Variants in AUTS2 observed in about 807,000 individuals in gnomAD.
AUTS2 encodes the protein autism susceptibility gene 2 protein.
AUTS2 carries 17 observed loss-of-function variants against 112.4 expected under a neutral mutation model. That is an observed-to-expected ratio of 0.15 (90% CI 0.10 to 0.23). The LOEUF is 0.23. Among genes scored for constraint, AUTS2 ranks in the 10% least tolerant of loss-of-function variants. AUTS2 has a pLI of 1.00. For synonymous variants in AUTS2, 751 were observed against 702.7 expected (o/e 1.07, Z -1.09); for missense variants, 1,510 against 1,701.6 (o/e 0.89, Z 1.98).
At chr7:70,414,435 A>G (rs1479432653) in intron 4 of AUTS2, among the ~76,000 whole-genome samples, 2 of 152,290 alleles carry the variant, frequency 1.3e-5, no homozygotes, top group Admixed American at 6.5e-5. Flanking sequence ...TACATGGGTG[A>G]TCTGGGCACA....
At chr7:69,906,023 T>C (rs1795138040) in intron 2 of AUTS2, among the ~76,000 whole-genome samples, 1 of 152,198 alleles carries the variant, frequency 6.6e-6, no homozygotes. Flanking sequence ...AAATCCCATA[T>C]ATTGATAGAG....
At position 70,790,046 on chromosome 7, in the gene AUTS2, G is replaced by A. The variant is rs781437098; in HGVS notation, c.2830G>A (p.Val944Met). The part of the protein sequence containing the change: ...KQLARVPSPY[V>M]RTPVVESARP... ...GCTGGCCCGGGTGCCGTCTCCCTACGTGCGGACCCCGGTGGTGGAGAGTGC... is the reference window on the plus strand; with the variant it reads ...GCTGGCCCGGGTGCCGTCTCCCTACATGCGGACCCCGGTGGTGGAGAGTGC... The change falls in exon 19 of 19, where the codon GTG (valine) becomes ATG (methionine). Residue 944 changes from valine to methionine, a missense_variant. This residue lies in a region of AUTS2 where 788 missense variants were observed against 797.6 expected (regional missense o/e 0.99). Transcript: ENST00000342771. The surrounding 1 kb of genome is among the most constrained non-coding windows in gnomAD (Gnocchi z 7.6). 3.2e-6 allele frequency: 5 copies of A among 1,580,542 alleles called. No individual in the cohort carries two copies. The African/African-American group carries it at 5.4e-5, about 17-fold the overall frequency.
At chr7:69,658,912 A>G (rs1795666005) in intron 1 of AUTS2, among the ~76,000 whole-genome samples, 2 of 152,226 alleles carry the variant, frequency 1.3e-5, no homozygotes, top group Admixed American at 1.3e-4. Flanking sequence ...TGTTTAGTGA[A>G]TTAAATTATT....
At chr7:69,980,919 A>G (rs1798271001) in intron 2 of AUTS2, among the ~76,000 whole-genome samples, 1 of 152,206 alleles carries the variant, frequency 6.6e-6, no homozygotes, top group Non-Finnish European at 1.5e-5. Context: ...TCTGTAATTC[A>G]TTGACCACAG....
At chr7:70,035,011 A>T (rs1800939398) in intron 2 of AUTS2, among the ~76,000 whole-genome samples, 1 of 152,068 alleles carries the variant, frequency 6.6e-6, no homozygotes, top group South Asian at 2.1e-4. Context: ...TCTACTTTTG[A>T]TGAAGTTTTT....
intron 5 of AUTS2, among the ~76,000 whole-genome samples, chr7:70,549,342 A>T (rs1357851760): frequency 2.0e-5 from 3 of 152,150 alleles, no homozygotes; most frequent in Non-Finnish European, 4.4e-5. Context: ...TCTTGTCCAT[A>T]TGGGATGACT....
intron 2 of AUTS2, among the ~76,000 whole-genome samples, chr7:70,004,336 A>G (rs1401509592): frequency 7.6e-6 from 1 of 131,972 alleles, no homozygotes; most frequent in South Asian, 2.3e-4. Context: ...TATATATATG[A>G]ATATATATTC....
chr7:70,259,010 A>G (rs1249691867), intron 4 of AUTS2, among the ~76,000 whole-genome samples: 2 of 152,136 alleles, frequency 1.3e-5, no homozygotes, highest in Non-Finnish European at 2.9e-5. Flanking sequence ...TGTCTCATGA[A>G]TTATGTGGTG....
intron 2 of AUTS2, among the ~76,000 whole-genome samples, chr7:69,922,461 C>T (rs1288696709): frequency 6.6e-6 from 1 of 152,242 alleles, no homozygotes; most frequent in Non-Finnish European, 1.5e-5. Flanking sequence ...TCGCTGCTTT[C>T]TTAGCACTTT....
chr7:70,683,360 G>A (rs544870504), intron 5 of AUTS2, among the ~76,000 whole-genome samples: 8 of 152,268 alleles, frequency 5.3e-5, no homozygotes, highest in South Asian at 2.1e-4. Flanking sequence ...TGACCACTGC[G>A]TATCAACCCA....
chr7:70,244,038 A>C (rs1211508359), intron 4 of AUTS2, among the ~76,000 whole-genome samples: 2 of 152,100 alleles, frequency 1.3e-5, no homozygotes, highest in Non-Finnish European at 2.9e-5. Context: ...TCAAGGTAAA[A>C]ATGAGAGGGT....
At chr7:69,817,277 C>T (rs1395264436) in intron 1 of AUTS2, among the ~76,000 whole-genome samples, 1 of 152,202 alleles carries the variant, frequency 6.6e-6, no homozygotes, top group Non-Finnish European at 1.5e-5. Context: ...GCTGTGTTTT[C>T]GATTGCCAAG....
At chr7:70,384,880 G>T (rs1793538097) in intron 4 of AUTS2, among the ~76,000 whole-genome samples, 1 of 152,172 alleles carries the variant, frequency 6.6e-6, no homozygotes, top group East Asian at 1.9e-4. Context: ...TGAACCGAGT[G>T]TGAAGGGGCT....
At chr7:69,731,448 G>A (rs1453333681) in intron 1 of AUTS2, among the ~76,000 whole-genome samples, 1 of 152,178 alleles carries the variant, frequency 6.6e-6, no homozygotes, top group Non-Finnish European at 1.5e-5. Context: ...ATATTGATGA[G>A]TGGTTTAATT....
In AUTS2 at chr7:70,259,626, G is replaced by A. The variant is rs116960317; in HGVS notation, c.660+125055G>A. ...CCTTTGACAGAATGAGTCAAATCTGGTGCCAGTCACCCTTGGCATATGCCA... is the reference window on the plus strand; with the variant it reads ...CCTTTGACAGAATGAGTCAAATCTGATGCCAGTCACCCTTGGCATATGCCA... On this transcript the variant is annotated intron_variant, in intron 4 of 18. Transcript: ENST00000342771. Among the ~76,000 whole-genome samples the A allele has an allele frequency of 5.7e-3, 875 of 152,292 alleles. 3 individuals are homozygous for A. The highest frequency in any genetic ancestry group is 0.019 in the South Asian group (90 of 4,830).
At chr7:70,765,646 G>T (rs1031474657) in intron 8 of AUTS2, among the ~76,000 whole-genome samples, 3 of 152,146 alleles carry the variant, frequency 2.0e-5, no homozygotes, top group African/African-American at 7.2e-5. Context: ...GAGCCCTGCC[G>T]TGTGAACAGC....
chr7:70,643,934 T>C (rs1410828095), intron 5 of AUTS2, among the ~76,000 whole-genome samples: 2 of 152,170 alleles, frequency 1.3e-5, no homozygotes, highest in African/African-American at 4.8e-5. Context: ...CAAGACAGCC[T>C]CTGCTATGAC....
At chr7:70,610,909 G>A (rs1804059826) in intron 5 of AUTS2, among the ~76,000 whole-genome samples, 1 of 151,714 alleles carries the variant, frequency 6.6e-6, no homozygotes, top group South Asian at 2.1e-4. Context: ...TACATGATTT[G>A]CAAATATTTT....
chr7:69,632,875 T>C (rs1794329619), intron 1 of AUTS2, among the ~76,000 whole-genome samples: 2 of 152,196 alleles, frequency 1.3e-5, no homozygotes, highest in South Asian at 4.1e-4. Context: ...AGTTTCATTG[T>C]GTATTTGTAA....
Sources: allele counts gnomAD v4.1 joint callset (sites outside exome capture counted in the v4.1 genomes callset), GRCh38; gene constraint gnomAD v4.1.1; regional missense constraint gnomAD v4.1.1; non-coding constraint Gnocchi (gnomAD v3.1); transcripts MANE v1.5; gene names NCBI Gene and HGNC (gene_info 2026-07-23, HGNC 2026-07-21).